The following NEU3 variants were observed in gnomAD, a reference collection of about 807,000 sequenced individuals.
NEU3 encodes the protein sialidase-3.
Under a neutral mutation model 11.4 loss-of-function variants are expected in NEU3, and 10 were observed. The observed-to-expected ratio is 0.88, with a 90% CI of 0.54 to 1.49. The LOEUF is 1.49. Ranked by LOEUF, NEU3 falls within the 40% of genes most tolerant of loss-of-function variation. NEU3 has a pLI of 0.00. For missense variants in NEU3, 529 were observed against 581.8 expected, an observed-to-expected ratio of 0.91 and a Z score of 0.93; for synonymous variants, 212 against 228.2, an observed-to-expected ratio of 0.93 and a Z score of 0.64.
upstream of NEU3, among the ~76,000 whole-genome samples, chr11:74,985,055 G>A (rs1456560082): frequency 6.6e-6 from 1 of 152,096 alleles, no homozygotes; most frequent in Non-Finnish European, 1.5e-5. Context: ...CACTTTCTCA[G>A]GCATAAGATG....
At chr11:74,994,405 G>A in intron 1 of NEU3, 104 bp from the exon 2 acceptor site, 2 of 759,434 alleles carry the variant, frequency 2.6e-6, no homozygotes, top group Non-Finnish European at 4.3e-6. Context: ...ATATATCTGT[G>A]CCCCCCCACC....
At chr11:74,987,797 A>G (rs1449221226), upstream of NEU3, among the ~76,000 whole-genome samples, 1 of 151,656 alleles carries the variant, frequency 6.6e-6, no homozygotes. Flanking sequence ...TGGGCGGCAG[A>G]GACACACTCC....
intron 2 of NEU3, among the ~76,000 whole-genome samples, chr11:74,999,082 A>G (rs1283884978): frequency 6.6e-6 from 1 of 152,114 alleles, no homozygotes; most frequent in African/African-American, 2.4e-5. Context: ...CTGAGTAGCT[A>G]CGACTACAGG....
At chr11:75,003,074 G>C (rs1461646069) in intron 2 of NEU3, among the ~76,000 whole-genome samples, 1 of 152,170 alleles carries the variant, frequency 6.6e-6, no homozygotes, top group Non-Finnish European at 1.5e-5. Context: ...ATGTAGCTAG[G>C]AGTGGAATTA....
intron 1 of NEU3, among the ~76,000 whole-genome samples, chr11:74,992,596 A>C (rs1219926238): frequency 6.6e-6 from 1 of 152,190 alleles, no homozygotes; most frequent in Non-Finnish European, 1.5e-5. Context: ...GTTTTCTTTA[A>C]GAAGAATACT....
downstream of NEU3, among the ~76,000 whole-genome samples, chr11:75,019,397 G>A (rs2140261423): frequency 6.6e-6 from 1 of 152,338 alleles, no homozygotes; most frequent in East Asian, 1.9e-4. Flanking sequence ...GGGTCCCCGT[G>A]CTGTGTGCAG....
At chr11:75,011,921 G>A (rs1948958292), downstream of NEU3, among the ~76,000 whole-genome samples, 1 of 152,018 alleles carries the variant, frequency 6.6e-6, no homozygotes, top group South Asian at 2.1e-4. Flanking sequence ...TCATTGCCTG[G>A]CTTGGGTGTT....
At chr11:74,997,874 A>G (rs1009152150) in intron 2 of NEU3, among the ~76,000 whole-genome samples, 2 of 142,592 alleles carry the variant, frequency 1.4e-5, no homozygotes, top group East Asian at 4.1e-4. Context: ...AAAAAAAAAA[A>G]GAACTTTTTC....
chr11:74,991,188 C>G (rs1404855036), intron 1 of NEU3, among the ~76,000 whole-genome samples: 1 of 152,178 alleles, frequency 6.6e-6, no homozygotes, highest in Non-Finnish European at 1.5e-5. Context: ...TAGAACAAAG[C>G]CTGACCCTCC....
chr11:75,018,631 A>G (rs970325415), intron 3 of NEU3: 2 of 152,204 alleles, frequency 1.3e-5, no homozygotes, highest in African/African-American at 4.8e-5. Context: ...CCTTGTGATC[A>G]TGTGAGTTAA....
intron 2 of NEU3, chr11:74,995,004 C>G: frequency 1.7e-6 from 1 of 595,070 alleles, no homozygotes; most frequent in South Asian, 2.1e-5. Flanking sequence ...GGTTATACAG[C>G]TATAATAAAG....
At chr11:75,000,999 C>T (rs1251039442) in intron 2 of NEU3, among the ~76,000 whole-genome samples, 1 of 151,922 alleles carries the variant, frequency 6.6e-6, no homozygotes, top group East Asian at 1.9e-4. Context: ...ATTGCTGGAT[C>T]ACTTGGTAAT....
At position 74,989,146 on chromosome 11, in the gene NEU3, C is replaced by T. The variant is rs1948703170; in HGVS notation, c.86C>T (p.Ser29Phe). ...SAPTETEEPGSSAEVMEEVTT... is the reference protein window; with the variant it reads ...SAPTETEEPGFSAEVMEEVTT... ...CCGACAGAGACGGAGGAGCCGGGGT[C>T]CAGTGCAGGTGAGCGGGGTTGGGAG... Residue 29 changes from serine to phenylalanine, a missense_variant, in exon 1 of 3, where the codon TCC (serine) becomes TTC (phenylalanine). Coordinates refer to ENST00000294064, the MANE Select transcript of NEU3 (RefSeq NM_006656.6). The T allele has an allele frequency of 6.4e-7, 1 of 1,551,028 alleles. No homozygotes were observed. Among genetic ancestry groups the T allele is most frequent in the Non-Finnish European group, 8.7e-7 (1 of 1,146,766 alleles).
chr11:75,015,360 T>C (rs1308499070), downstream of NEU3, among the ~76,000 whole-genome samples: 1 of 152,188 alleles, frequency 6.6e-6, no homozygotes, highest in Non-Finnish European at 1.5e-5. Context: ...GCAATAAGTG[T>C]CTGTTTAAAA....
chr11:74,988,112 T>G (rs1948689634), upstream of NEU3: 1 of 152,074 alleles, frequency 6.6e-6, no homozygotes, highest in South Asian at 2.1e-4. Context: ...CATTTTTATG[T>G]CCTCTAAGTT....
At chr11:75,002,922 T>G (rs1020070320) in intron 2 of NEU3, among the ~76,000 whole-genome samples, 3 of 152,242 alleles carry the variant, frequency 2.0e-5, no homozygotes, top group Non-Finnish European at 4.4e-5. Context: ...TTACATAGTA[T>G]TCTATCGTAT....
At chr11:74,990,318 T>C (rs569980320) in intron 1 of NEU3, among the ~76,000 whole-genome samples, 11 of 152,236 alleles carry the variant, frequency 7.2e-5, no homozygotes, top group African/African-American at 1.4e-4. Context: ...ATGTGACAAG[T>C]TGTGCTTCTC....
In NEU3 at chr11:75,005,407, G is replaced by C; in HGVS notation, c.307-6G>C. On this transcript the variant is annotated splice_polypyrimidine_tract_variant and splice_region_variant and intron_variant, in intron 2 of 2. Transcript: ENST00000294064. ...CACTCCTACTTTCTCCCTTCTCCTT[G>C]TCTAGTGGGGGCCCCTGAAGCCACT... is the stretch of plus-strand genomic sequence containing the variant. 1 of 1,594,698 alleles carries C rather than the reference G, an allele frequency of 6.3e-7. No individual in the cohort carries two copies. The highest frequency in any genetic ancestry group is 1.1e-5 in the South Asian group (1 of 88,746).
chr11:75,011,142 G>A (rs1948952706), downstream of NEU3, among the ~76,000 whole-genome samples: 2 of 152,318 alleles, frequency 1.3e-5, no homozygotes, highest in African/African-American at 2.4e-5. Flanking sequence ...GGAATACAAT[G>A]TCATACACTA....
Sources: gnomAD v4.1 joint callset for allele counts (sites outside exome capture counted in the v4.1 genomes callset) on GRCh38, gnomAD v4.1.1 for gene constraint, MANE v1.5 for transcripts, NCBI Gene and HGNC (gene_info 2026-07-23, HGNC 2026-07-21) for gene names.